The following TTC21A variants were observed in gnomAD, a reference collection of about 807,000 sequenced individuals.
TTC21A encodes the protein tetratricopeptide repeat protein 21A.
Under a neutral mutation model 156.4 loss-of-function variants are expected in TTC21A, and 128 were observed. The ratio of observed to expected loss-of-function variants is 0.82; its 90% CI spans 0.71 to 0.95. TTC21A has a LOEUF of 0.95. TTC21A is among the 40% of genes least tolerant of loss of function. The pLI is 0.00. For missense variants in TTC21A, 1,435 were observed against 1,602.3 expected, an observed-to-expected ratio of 0.90 and a Z score of 1.78; for synonymous variants, 587 against 617.1, an observed-to-expected ratio of 0.95 and a Z score of 0.72.
chr3:39,110,820 T>C (rs146985434), intron 3 of TTC21A, 31 bp from the exon 4 acceptor site: 2 of 1,612,428 alleles, frequency 1.2e-6, no homozygotes, highest in African/African-American at 2.7e-5. Flanking sequence ...ACATCCTAAC[T>C]CTCCCTCTTC....
intron 22 of TTC21A, 104 bp from the exon 23 acceptor site, chr3:39,136,252 AG>A: frequency 2.4e-6 from 3 of 1,241,920 alleles, no homozygotes; most frequent in Non-Finnish European, 3.4e-6. Context: ...GTCCCTGCTC[AG>A]CCCAGATGGG....
rs28362645 is a variant in TTC21A, at chr3:39,107,727, A to T, written c.-111A>T. The T allele has an allele frequency of 0.1, 155,499 of 1,492,712 alleles. 8,629 individuals are homozygous for T. Among genetic ancestry groups the T allele is most frequent in the Admixed American group, 0.16 (9,477 of 59,010 alleles). 92.5% of individuals were successfully genotyped at this position (1,492,712 alleles called of 1,614,324 possible). A position where few individuals can be genotyped will look rare whatever the true frequency, so the allele number is the denominator to read the frequency against. ...CCGGCTAGCAGCTCGGTTTCCAAGG[A>T]CTGTAACGCCTTCAACCGCCCGCCG... On this transcript the variant is annotated 5_prime_UTR_variant, in exon 1 of 29. Transcript: ENST00000683103.
At chr3:39,123,889 C>G (rs1214577849) in intron 9 of TTC21A, among the ~76,000 whole-genome samples, 1 of 151,928 alleles carries the variant, frequency 6.6e-6, no homozygotes, top group Non-Finnish European at 1.5e-5. Flanking sequence ...AGAATATTCA[C>G]AGTAGAAAGG....
Position 39,137,238 on chromosome 3 carries a change from G to A in TTC21A, c.3301G>A (p.Ala1101Thr), listed in dbSNP as rs374928901. Residue 1101 changes from alanine (A) to threonine (T), a missense_variant, in exon 25 of 29, where the codon GCC becomes ACC. Ala to Thr is a moderately conservative substitution (Grantham distance 58). Coordinates refer to ENST00000683103, the MANE Select transcript of TTC21A (RefSeq NM_001366900.1). The stretch of plus-strand genomic sequence containing the variant: ...GTTGGAGCAGCAGGGTGTGAGCACC[G>A]CCGAGAAACTGCTGCGTGAGTTTTA... ...KELEQQGVST[A>T]EKLLREFYPH... 3.7e-5 allele frequency: 59 copies of A among 1,614,136 alleles called. No individual in the cohort carries two copies. In the Middle Eastern group the frequency reaches 6.6e-4, roughly 18 times the overall value.
chr3:39,129,957 A>G (rs2125840727), intron 15 of TTC21A, 122 bp from the exon 16 acceptor site: 1 of 1,045,206 alleles, frequency 9.6e-7, no homozygotes, highest in Non-Finnish European at 1.4e-6. Context: ...CTTTCTATAA[A>G]TATTGATTGA....
Position 39,126,275 on chromosome 3 carries a change from C to G in TTC21A, c.1407C>G (p.Gly469=). The change falls in exon 12 of 29, where the codon GGC becomes GGG. Residue 469 remains glycine (G), a synonymous_variant. Coordinates refer to ENST00000683103, the MANE Select transcript of TTC21A (RefSeq NM_001366900.1). ...TGTTCCCACAGCCCAGGTTACCAGG[C>G]CAGATCGTGTCTCCACTTCTTAAAC... The part of the protein sequence containing the change: ...LFCPKQPRLP[G]QIVSPLLKQV... The G allele has an allele frequency of 1.2e-6, 2 of 1,614,114 alleles. No individual in the cohort carries two copies. The highest frequency in any genetic ancestry group is 1.7e-6 in the Non-Finnish European group (2 of 1,180,000).
Position 39,134,965 on chromosome 3 carries a change from A to G in TTC21A, c.2863-128A>G. 1.2e-6 allele frequency: 1 copy of G among 800,572 alleles called. No homozygotes were observed. Among genetic ancestry groups the G allele is most frequent in the Non-Finnish European group, 2.2e-6 (1 of 463,488 alleles). The allele number at this position is 800,572 out of a possible 1,614,324, so 49.6% of individuals were successfully genotyped here. On this transcript the variant is annotated intron_variant, in intron 21 of 28. Coordinates refer to ENST00000683103, the MANE Select transcript of TTC21A (RefSeq NM_001366900.1). The surrounding 1 kb of genome is among the most constrained non-coding windows in gnomAD (Gnocchi z 4.6). ...TGGCAGCTTCTCACAAGGCCTAGGG[A>G]GGCTGCCTTGCAAGTCCTTTTCTAC...
At position 39,130,757 on chromosome 3, in the gene TTC21A, C is replaced by G; in HGVS notation, c.2376C>G (p.Cys792Trp). The G allele has an allele frequency of 6.2e-7, 1 of 1,614,104 alleles. No individual in the cohort carries two copies. The highest frequency in any genetic ancestry group is 8.5e-7 in the Non-Finnish European group (1 of 1,180,018). ...TTAATGGACAGGACTTTCTGTGCTG[C>G]GATCTGGGCAAACTGCTCCTGAAGT... ...QKINGQDFLC[C>W]DLGKLLLKLK... Residue 792 changes from cysteine (C) to tryptophan (W), a missense_variant, in exon 18 of 29, where the codon TGC becomes TGG. By Grantham distance (215) the Cys-to-Trp change is radical. Transcript: ENST00000683103. This position sits in a 1 kb window ranked among gnomAD's most constrained non-coding sequence, Gnocchi z 4.5.
In TTC21A at chr3:39,135,226, G is replaced by A. The variant is rs146063794; in HGVS notation, c.2944+52G>A. The A allele has an allele frequency of 9.2e-4, 1,384 of 1,499,554 alleles. 13 individuals carry two copies. In the East Asian group the frequency reaches 0.027, roughly 29 times the overall value. 92.9% of individuals were successfully genotyped at this position (1,499,554 alleles called of 1,614,324 possible). ...TACCAGTTCCCACTGAGCAAGGGCC[G>A]CTCTCCCAGAGAAGGGTGGGACCTC... On this transcript the variant is annotated intron_variant, in intron 22 of 28. Coordinates refer to ENST00000683103, the MANE Select transcript of TTC21A (RefSeq NM_001366900.1).
In TTC21A at chr3:39,125,162, T is replaced by G; in HGVS notation, c.1191+2T>G. 1 of 1,610,544 alleles carries G rather than the reference T, an allele frequency of 6.2e-7. No individual in the cohort carries two copies. Among genetic ancestry groups the G allele is most frequent in the Non-Finnish European group, 8.5e-7 (1 of 1,177,376 alleles). On this transcript the variant is annotated splice_donor_variant, in intron 10 of 28. Transcript: ENST00000683103. LOFTEE classifies it high-confidence loss of function. Reference sequence around the variant, plus strand: ...CAGAAGTCCCTTGGGAAGTCTGAGGTCAGAGCTCCCTGGGGGTATGGGTTG... The same window carrying G: ...CAGAAGTCCCTTGGGAAGTCTGAGGGCAGAGCTCCCTGGGGGTATGGGTTG...
chr3:39,133,106 A>G lies in TTC21A; in HGVS notation c.2617A>G (p.Met873Val), dbSNP rs367890792. The G allele has an allele frequency of 1.9e-6, 3 of 1,614,116 alleles. No individual in the cohort carries two copies. The highest frequency in any genetic ancestry group is 2.7e-5 in the African/African-American group (2 of 74,934). Reference protein sequence around the residue: ...LKRVPLEQPEMIPSQKQLAAS... With the variant: ...LKRVPLEQPEVIPSQKQLAAS... ...GCGAGTTCCACTGGAGCAACCAGAA[A>G]TGATTCCCTCCCAGAAGCAACTGGC... Residue 873 changes from methionine (M) to valine (V), a missense_variant, in exon 20 of 29, where the codon ATG becomes GTG. Met to Val is a conservative substitution (Grantham distance 21, BLOSUM62 1). Coordinates refer to ENST00000683103, the MANE Select transcript of TTC21A (RefSeq NM_001366900.1).
intron 12 of TTC21A, among the ~76,000 whole-genome samples, 166 bp downstream of exon 12, chr3:39,126,556 CACAT>C (rs1437358386): frequency 4.7e-5 from 7 of 150,322 alleles, no homozygotes; most frequent in South Asian, 2.1e-4. Context: ...CACACACACA[CACAT>C]GCATGCTCCT....
intron 26 of TTC21A, 31 bp from the exon 27 acceptor site, chr3:39,138,236 C>T (rs2039286140): frequency 3.7e-6 from 6 of 1,613,576 alleles, no homozygotes; most frequent in Middle Eastern, 1.7e-4. Context: ...GGCTTCCGCT[C>T]TGCAGAGGCT....
At position 39,129,071 on chromosome 3, in the gene TTC21A, G is replaced by C; in HGVS notation, c.1897-1G>C. 6.2e-7 allele frequency: 1 copy of C among 1,614,154 alleles called. No homozygotes were observed. The highest frequency in any genetic ancestry group is 1.1e-5 in the South Asian group (1 of 91,082). Reference sequence around the variant, plus strand: ...GGGTCTGTTTGATTCCCATGTTTTAGCATGAGGCCACCAAGGTCATGCAGG... The same window carrying C: ...GGGTCTGTTTGATTCCCATGTTTTACCATGAGGCCACCAAGGTCATGCAGG... On this transcript the variant is annotated splice_acceptor_variant, in intron 14 of 28. Transcript: ENST00000683103. LOFTEE classifies it high-confidence loss of function.
chr3:39,138,522 G>A, intron 27 of TTC21A, 34 bp from the exon 28 acceptor site: 1 of 1,614,124 alleles, frequency 6.2e-7, no homozygotes, highest in Non-Finnish European at 8.5e-7. Context: ...GGTCACCAGG[G>A]TGCCACCATC....
Position 39,130,936 on chromosome 3 carries a change from A to G in TTC21A, c.2459-56A>G. 1 of 1,608,102 alleles carries G rather than the reference A, an allele frequency of 6.2e-7. No homozygotes were observed. The highest frequency in any genetic ancestry group is 1.1e-5 in the South Asian group (1 of 90,582). ...AGTCCTGATCCCAGCGCTCCCCACC[A>G]ACACAGCTTCCCAGGAGCCAGTGAA... On this transcript the variant is annotated intron_variant, in intron 18 of 28. Transcript: ENST00000683103. This position sits in a 1 kb window ranked among gnomAD's most constrained non-coding sequence, Gnocchi z 4.5.
chr3:39,137,883 G>A (rs1039940598), intron 26 of TTC21A, 173 bp downstream of exon 26: 124 of 712,760 alleles, frequency 1.7e-4, no homozygotes, highest in Non-Finnish European at 5.4e-5. Context: ...GAGGATCAAG[G>A]GCGATGGACC....
chr3:39,116,438 A>G (rs761790238), intron 6 of TTC21A, among the ~76,000 whole-genome samples: 1 of 151,452 alleles, frequency 6.6e-6, no homozygotes, highest in Non-Finnish European at 1.5e-5. Context: ...TATAAATTCT[A>G]TATCATATTC....
In TTC21A at chr3:39,136,887, T is replaced by C. The variant is rs776062768; in HGVS notation, c.3096-12T>C. ...TTTCCCTCACTGATTCTTGGTGTTT[T>C]CTCCACCACAGGCACATAGGGCAGC... On this transcript the variant is annotated splice_polypyrimidine_tract_variant and intron_variant, in intron 23 of 28. Coordinates refer to ENST00000683103, the MANE Select transcript of TTC21A (RefSeq NM_001366900.1). 6.2e-7 allele frequency: 1 copy of C among 1,613,386 alleles called. No homozygotes were observed. Among genetic ancestry groups the C allele is most frequent in the Middle Eastern group, 1.7e-4 (1 of 5,794 alleles).
Sources: allele counts gnomAD v4.1 joint callset (sites outside exome capture counted in the v4.1 genomes callset), GRCh38; gene constraint gnomAD v4.1.1; non-coding constraint Gnocchi (gnomAD v3.1); transcripts MANE v1.5; gene names NCBI Gene and HGNC (gene_info 2026-07-23, HGNC 2026-07-21).